CARS1: variants seen among roughly 807,000 people sequenced by gnomAD.
CARS1 encodes cysteinyl-tRNA synthetase 1.
Under a neutral mutation model 106.2 loss-of-function variants are expected in CARS1, and 48 were observed. That is an observed-to-expected ratio of 0.45 (90% confidence interval 0.36 to 0.57). The LOEUF is 0.57. Among genes scored for constraint, CARS1 ranks in the 20% least tolerant of loss-of-function variants. The pLI is 0.00. For missense variants in CARS1, 968 were observed against 1,057.2 expected (o/e 0.92, Z 1.17); for synonymous variants, 409 against 403.4 (o/e 1.01, Z -0.17).
At chr11:3,031,494 T>G (rs1394962634) in intron 7 of CARS1, 4 of 152,194 alleles carry the variant, frequency 2.6e-5, no homozygotes, top group African/African-American at 9.7e-5. Flanking sequence ...TCAAAATGCA[T>G]AAATACAAAA....
Position 3,052,793 on chromosome 11 carries a change from C to G in CARS1, c.25+4550G>C, listed in dbSNP as rs1483701411. ...CTTTCAAGTGGTCATGGGTTTGAGC[C>G]AGGCTGTGGATCAGTCTGATGCTGA... On this transcript the variant is annotated intron_variant, in intron 1 of 22. Transcript: ENST00000380525. The surrounding 1 kb of genome is among the most constrained non-coding windows in gnomAD (Gnocchi z 4.6). Among the ~76,000 whole-genome samples the G allele has an allele frequency of 6.6e-6, 1 of 152,222 alleles. No homozygotes were observed. The highest frequency in any genetic ancestry group is 1.5e-5 in the Non-Finnish European group (1 of 68,040).
At chr11:3,047,164 C>G (rs958526640) in intron 2 of CARS1, among the ~76,000 whole-genome samples, 7 of 151,344 alleles carry the variant, frequency 4.6e-5, no homozygotes, top group Non-Finnish European at 8.8e-5. Context: ...ACAGTCCCAG[C>G]TACTCGGGAG....
rs761119518 is a variant in CARS1 at position 3,038,016 on chromosome 11, G to C, written c.801+34C>G. The C allele has an allele frequency of 1.3e-6, 2 of 1,595,900 alleles. No homozygotes were observed. Among genetic ancestry groups the C allele is most frequent in the Non-Finnish European group, 1.7e-6 (2 of 1,166,856 alleles). On this transcript the variant is annotated intron_variant, in intron 7 of 22. Coordinates refer to ENST00000380525, the MANE Select transcript of CARS1 (RefSeq NM_001014437.3). The surrounding 1 kb of genome is among the most constrained non-coding windows in gnomAD (Gnocchi z 4.0). ...CTATGCACGGCCCGACATTTGACCC[G>C]AACGGGCTGTCTGGGAGATGTGTGA...
In CARS1 at chr11:3,041,220, C is replaced by T. The variant is rs1590508698; in HGVS notation, c.367-236G>A. 7.5e-6 allele frequency: 4 copies of T among 534,878 alleles called. No individual in the cohort carries two copies. The highest frequency in any genetic ancestry group is 9.9e-6 in the Non-Finnish European group (3 of 301,788). The allele number at this position is 534,878 out of a possible 1,614,324, so 33.1% of individuals were successfully genotyped here. A position where few individuals can be genotyped will look rare whatever the true frequency, so the allele number is the denominator to read the frequency against. On this transcript the variant is annotated intron_variant, in intron 3 of 22. Transcript: ENST00000380525. The surrounding 1 kb of genome is among the most constrained non-coding windows in gnomAD (Gnocchi z 4.9). ...GGGCCTCTTCCTCCCTGGGGTTCTA[C>T]TCATCTATGGAGGGAGGCGATAAAG...
rs1854036088 is a variant in CARS1, at chr11:3,038,866, C to T, written c.651+328G>A. Among the ~76,000 whole-genome samples, 1 of 152,122 alleles carries T rather than the reference C, an allele frequency of 6.6e-6. No homozygotes were observed. The highest frequency in any genetic ancestry group is 1.9e-4 in the East Asian group (1 of 5,194). On this transcript the variant is annotated intron_variant, in intron 6 of 22. Transcript: ENST00000380525. This position sits in a 1 kb window ranked among gnomAD's most constrained non-coding sequence, Gnocchi z 4.0. Reference sequence around the variant, plus strand: ...GCAGAAGTTTCTGATTTAGTTGTAACCTTGGCATTGAAAATTAGACAGCAA... The same window carrying T: ...GCAGAAGTTTCTGATTTAGTTGTAATCTTGGCATTGAAAATTAGACAGCAA...
rs1854933914 is a variant in CARS1 at position 3,045,009 on chromosome 11, G to A, written c.274+2744C>T. Among the ~76,000 whole-genome samples the A allele has an allele frequency of 6.6e-6, 1 of 152,130 alleles. No homozygotes were observed. The highest frequency in any genetic ancestry group is 2.4e-5 in the African/African-American group (1 of 41,418). The stretch of plus-strand genomic sequence containing the variant: ...CAAACCTTCATGTTCCTGAAACTAT[G>A]GCCTCGGCGTCTGACAGACCCACAC... On this transcript the variant is annotated intron_variant, in intron 2 of 22. Coordinates refer to ENST00000380525, the MANE Select transcript of CARS1 (RefSeq NM_001014437.3). This position sits in a 1 kb window ranked among gnomAD's most constrained non-coding sequence, Gnocchi z 5.6.
chr11:3,010,288 AC>A (rs1850325320), intron 18 of CARS1, among the ~76,000 whole-genome samples: 1 of 151,990 alleles, frequency 6.6e-6, no homozygotes, highest in South Asian at 2.1e-4. Flanking sequence ...GTCTTGTATG[AC>A]CCCAGGGAGC....
rs536491241 is a variant in CARS1 at position 3,019,576 on chromosome 11, T to C, written c.1267-309A>G. On this transcript the variant is annotated intron_variant, in intron 11 of 22. Transcript: ENST00000380525. This position sits in a 1 kb window ranked among gnomAD's most constrained non-coding sequence, Gnocchi z 6.2. Reference sequence around the variant, plus strand: ...AAAATTAGCTGAGCATGGTGACGTATGCCTGTAATCCCAGCTACTCAGGAG... The same window carrying C: ...AAAATTAGCTGAGCATGGTGACGTACGCCTGTAATCCCAGCTACTCAGGAG... Among the ~76,000 whole-genome samples, 2 of 152,152 alleles carry C rather than the reference T, an allele frequency of 1.3e-5. No individual in the cohort carries two copies. Among genetic ancestry groups the C allele is most frequent in the African/African-American group, 4.8e-5 (2 of 41,502 alleles).
intron 17 of CARS1, among the ~76,000 whole-genome samples, chr11:3,012,802 T>C (rs1565029957): frequency 6.6e-6 from 1 of 152,082 alleles, no homozygotes; most frequent in East Asian, 1.9e-4. Context: ...ACATGCACAT[T>C]AGCAGCTACA....
chr11:3,013,277 C>T (rs990309252), intron 17 of CARS1, among the ~76,000 whole-genome samples: 9 of 152,196 alleles, frequency 5.9e-5, no homozygotes, highest in East Asian at 2.0e-4. Context: ...CTCAGCCTCC[C>T]GCGTAGCTGG....
Position 3,034,419 on chromosome 11 carries a change from C to T in CARS1, c.801+3631G>A, listed in dbSNP as rs1011647222. ...TATTTTTAGTAGCAACGGGGTTTTG[C>T]CATGTTGGCCAGGCTGGTCTCAAAC... On this transcript the variant is annotated intron_variant, in intron 7 of 22. Transcript: ENST00000380525. The surrounding 1 kb of genome is among the most constrained non-coding windows in gnomAD (Gnocchi z 6.3). 2.0e-5 allele frequency among the ~76,000 whole-genome samples: 3 copies of T among 152,096 alleles called. No individual in the cohort carries two copies. Among genetic ancestry groups the T allele is most frequent in the Admixed American group, 1.3e-4 (2 of 15,258 alleles).
At position 3,002,533 on chromosome 11, in the gene CARS1, T is replaced by C. The variant is rs1590302917; in HGVS notation, c.2277+8A>G. The C allele has an allele frequency of 2.5e-6, 4 of 1,614,126 alleles. No individual in the cohort carries two copies. Among genetic ancestry groups the C allele is most frequent in the Admixed American group, 1.7e-5 (1 of 60,028 alleles). ...GTAGAGCCCTCACCCCCAAACAAAA[T>C]GCATTACTTCTTGTTCCTGTTTCCT... On this transcript the variant is annotated splice_region_variant and intron_variant, in intron 21 of 22. Transcript: ENST00000380525.
At chr11:3,051,993 G>T (rs929879690) in intron 1 of CARS1, among the ~76,000 whole-genome samples, 1 of 152,236 alleles carries the variant, frequency 6.6e-6, no homozygotes, top group Non-Finnish European at 1.5e-5. Context: ...GCAACAGCCC[G>T]AACACTGACA....
intron 9 of CARS1, chr11:3,027,734 C>T (rs1033523545): frequency 1.9e-5 from 8 of 424,996 alleles, no homozygotes; most frequent in Middle Eastern, 6.5e-4. Flanking sequence ...CTGTTATGCC[C>T]GGACACGGCC....
chr11:3,027,530 G>T (rs1852215987), intron 9 of CARS1: 1 of 188,956 alleles, frequency 5.3e-6, no homozygotes, highest in African/African-American at 2.3e-5. Flanking sequence ...AATAAGAATA[G>T]TTATACCAGA....
chr11:3,033,943 T>C (rs1049145091), intron 7 of CARS1, among the ~76,000 whole-genome samples: 1 of 152,200 alleles, frequency 6.6e-6, no homozygotes, highest in South Asian at 2.1e-4. Flanking sequence ...TTTTTTAAAT[T>C]TTAAATTCTT....
chr11:3,036,781 C>T (rs114485926), intron 7 of CARS1, among the ~76,000 whole-genome samples: 2,376 of 152,210 alleles, frequency 0.016, 69 homozygotes, highest in African/African-American at 0.054. Flanking sequence ...CACGTGTCCA[C>T]GGGCAGGTGA....
Position 3,057,421 on chromosome 11 carries a change from T to C in CARS1, c.-54A>G, listed in dbSNP as rs1856335414. Reference sequence around the variant, plus strand: ...GCTACAGACACTTCCTAGAATCTGATGCAACCGCCGCCCCGGAAGTCGCGC... The same window carrying C: ...GCTACAGACACTTCCTAGAATCTGACGCAACCGCCGCCCCGGAAGTCGCGC... On this transcript the variant is annotated 5_prime_UTR_variant, in exon 1 of 23. Transcript: ENST00000380525. 1.9e-6 allele frequency: 3 copies of C among 1,558,868 alleles called. No homozygotes were observed. Among genetic ancestry groups the C allele is most frequent in the African/African-American group, 1.4e-5 (1 of 73,850 alleles).
chr11:3,002,730 C>T, intron 20 of CARS1, 130 bp from the exon 21 acceptor site: 4 of 1,463,472 alleles, frequency 2.7e-6, no homozygotes, highest in Non-Finnish European at 3.7e-6. Flanking sequence ...TGACCAGGCC[C>T]TCCCCACTGT....
Sources: gnomAD v4.1 joint callset for allele counts (sites outside exome capture counted in the v4.1 genomes callset) on GRCh38, gnomAD v4.1.1 for gene constraint, Gnocchi (gnomAD v3.1) non-coding constraint, MANE v1.5 for transcripts, NCBI Gene and HGNC (gene_info 2026-07-23, HGNC 2026-07-21) for gene names.